The following DPP6 variants were observed in gnomAD, a reference collection of about 807,000 sequenced individuals.
DPP6 encodes A-type potassium channel modulatory protein DPP6.
DPP6 carries 69 observed loss-of-function variants against 122.6 expected under a neutral mutation model. The ratio of observed to expected loss-of-function variants is 0.56; its 90% CI spans 0.46 to 0.69. The LOEUF (loss-of-function observed/expected upper bound fraction) is 0.69, where lower values mean the gene tolerates loss of function less well. Among genes scored for constraint, DPP6 ranks in the 30% least tolerant of loss-of-function variants. The pLI is 0.00. For missense variants in DPP6, 928 were observed against 1,116.9 expected (o/e 0.83, Z 2.41); for synonymous variants, 418 against 433.1 (o/e 0.97, Z 0.43).
chr7:154,059,986 C>A (rs1801440764), intron 1 of DPP6, among the ~76,000 whole-genome samples: 1 of 152,116 alleles, frequency 6.6e-6, no homozygotes, highest in South Asian at 2.1e-4. Flanking sequence ...CCCTCTTCCC[C>A]CCTGGCTGTT....
At chr7:154,386,944 G>GTGTT (rs1610990) in intron 1 of DPP6, among the ~76,000 whole-genome samples, 111,168 of 151,450 alleles carry the variant, frequency 0.73, 41,111 homozygotes, top group East Asian at 0.87. Context: ...TTGAGCATGG[G>GTGTT]TGGGCAGGTG....
At chr7:154,573,614 T>G in intron 5 of DPP6, among the ~76,000 whole-genome samples, 1 of 152,222 alleles carries the variant, frequency 6.6e-6, no homozygotes, top group East Asian at 1.9e-4. Flanking sequence ...CCAGATTGTT[T>G]TGTCAGCATC....
rs543738414 is a variant in DPP6, at chr7:154,770,570, G to T, written c.1038+999G>T. Reference sequence around the variant, plus strand: ...AGAAATTGGGCCCTCGCCAGATACTGAATCAGCCAGCACCTTGATCTTGGA... The same window carrying T: ...AGAAATTGGGCCCTCGCCAGATACTTAATCAGCCAGCACCTTGATCTTGGA... On this transcript the variant is annotated intron_variant, in intron 9 of 25. Transcript: ENST00000377770. 1.1e-4 allele frequency among the ~76,000 whole-genome samples: 17 copies of T among 152,324 alleles called. No individual in the cohort carries two copies. In the South Asian group the frequency reaches 3.5e-3, roughly 32 times the overall value.
intron 5 of DPP6, among the ~76,000 whole-genome samples, chr7:154,597,507 G>A (rs1271448520): frequency 6.6e-6 from 1 of 152,058 alleles, no homozygotes; most frequent in Non-Finnish European, 1.5e-5. Context: ...CAGCTACTCA[G>A]GAGGCTGAGG....
chr7:154,322,593 A>G (rs1425331414), intron 1 of DPP6, among the ~76,000 whole-genome samples: 3 of 152,214 alleles, frequency 2.0e-5, no homozygotes, highest in South Asian at 2.1e-4. Context: ...AGGGAACTTA[A>G]CAGTTTTCAG....
At chr7:153,822,138 G>C in the DPP6 span, among the ~76,000 whole-genome samples, 111,135 of 141,426 alleles carry the variant, frequency 0.79, 43,939 homozygotes, top group Admixed American at 0.84. Flanking sequence ...AGTTATTTCT[G>C]TAGGTGAGCT....
chr7:154,357,918 G>T (rs1211901952), intron 1 of DPP6, among the ~76,000 whole-genome samples: 1 of 151,398 alleles, frequency 6.6e-6, no homozygotes, highest in African/African-American at 2.4e-5. Context: ...CTCCAGCCTG[G>T]GTGACAAGAC....
At chr7:154,350,754 A>G (rs901503861) in intron 1 of DPP6, among the ~76,000 whole-genome samples, 4 of 152,194 alleles carry the variant, frequency 2.6e-5, no homozygotes, top group African/African-American at 7.2e-5. Context: ...TGGAGCAGAC[A>G]ATGTGTTTAA....
chr7:154,715,122 C>A (rs1245219376), intron 7 of DPP6, among the ~76,000 whole-genome samples: 1 of 151,848 alleles, frequency 6.6e-6, no homozygotes, highest in African/African-American at 2.4e-5. Flanking sequence ...GCTGGAGTGC[C>A]ATGGCACGGT....
At chr7:154,140,134 G>T (rs1174924645) in intron 1 of DPP6, among the ~76,000 whole-genome samples, 1 of 152,166 alleles carries the variant, frequency 6.6e-6, no homozygotes, top group Non-Finnish European at 1.5e-5. Context: ...GCTCTTTCAT[G>T]ATTTTAAATG....
the DPP6 span, among the ~76,000 whole-genome samples, chr7:153,768,469 T>G: frequency 6.6e-6 from 1 of 152,122 alleles, no homozygotes. Flanking sequence ...TTTAGTATTA[T>G]ACTACCAAAG....
chr7:154,291,049 A>G (rs1253420822), intron 1 of DPP6, among the ~76,000 whole-genome samples: 2 of 152,200 alleles, frequency 1.3e-5, no homozygotes, highest in African/African-American at 4.8e-5. Context: ...GAAGTTGAAA[A>G]TACTGGGCTT....
chr7:153,753,788 C>T, the DPP6 span, among the ~76,000 whole-genome samples: 1 of 152,096 alleles, frequency 6.6e-6, no homozygotes, highest in Non-Finnish European at 1.5e-5. Flanking sequence ...CACTTGGTGC[C>T]TCTCTGATGA....
rs919952922 is a variant in DPP6 at position 154,238,123 on chromosome 7, C to T, written c.243+185060C>T. 4.6e-5 allele frequency among the ~76,000 whole-genome samples: 7 copies of T among 152,302 alleles called. No individual in the cohort carries two copies. The East Asian group carries it at 1.4e-3, about 29-fold the overall frequency. On this transcript the variant is annotated intron_variant, in intron 1 of 25. Coordinates refer to ENST00000377770, the MANE Select transcript of DPP6 (RefSeq NM_130797.4). ...GTGTTATTTGGTATTTTTAATAACA[C>T]CATCTGCCAGTGAGAGGAAAGCTCC...
chr7:154,713,332 G>A (rs1336032627), intron 7 of DPP6, among the ~76,000 whole-genome samples: 4 of 152,204 alleles, frequency 2.6e-5, no homozygotes, highest in African/African-American at 9.6e-5. Context: ...AAGGATGGTG[G>A]CCCTCTTCTC....
rs749807539 is a variant in DPP6 at position 154,196,733 on chromosome 7, C to T, written c.243+143670C>T. 1.8e-3 allele frequency among the ~76,000 whole-genome samples: 275 copies of T among 152,264 alleles called. 2 individuals are homozygous for T. Among genetic ancestry groups the T allele is most frequent in the Non-Finnish European group, 9.3e-4 (63 of 68,012 alleles). The stretch of plus-strand genomic sequence containing the variant: ...TGAAAACATCGATGTCATCATCCCT[C>T]AGCCCTGCTCAGAAAGCTGCAGGGA... On this transcript the variant is annotated intron_variant, in intron 1 of 25. Coordinates refer to ENST00000377770, the MANE Select transcript of DPP6 (RefSeq NM_130797.4).
rs78650904 is a variant in DPP6, at chr7:154,781,029, G to A, written c.1136+8087G>A. Among the ~76,000 whole-genome samples, 8 of 152,228 alleles carry A rather than the reference G, an allele frequency of 5.3e-5. No individual in the cohort carries two copies. The East Asian group carries it at 1.5e-3, about 29-fold the overall frequency. ...TGGATGATGGGTGGATGGACGGATA[G>A]ATGGATGATGAATATATGGATGGGT... On this transcript the variant is annotated intron_variant, in intron 10 of 25. Transcript: ENST00000377770.
intron 1 of DPP6, among the ~76,000 whole-genome samples, chr7:154,350,234 A>G (rs1005622687): frequency 3.9e-5 from 6 of 152,294 alleles, no homozygotes; most frequent in Admixed American, 3.3e-4. Flanking sequence ...AGAAGGAAGC[A>G]GGAACAGGGG....
intron 1 of DPP6, among the ~76,000 whole-genome samples, chr7:154,116,431 C>G (rs191879360): frequency 3.3e-4 from 50 of 152,320 alleles, no homozygotes; most frequent in African/African-American, 1.2e-3. Flanking sequence ...GATTACTGCA[C>G]AATGGCTTTT....
Sources: gnomAD v4.1 joint callset for allele counts (sites outside exome capture counted in the v4.1 genomes callset) on GRCh38, gnomAD v4.1.1 for gene constraint, MANE v1.5 for transcripts, NCBI Gene and HGNC (gene_info 2026-07-23, HGNC 2026-07-21) for gene names.